The following FMR1 variants were observed in gnomAD, a reference collection of about 807,000 sequenced individuals.
FMR1 encodes the protein fragile X messenger ribonucleoprotein 1.
In FMR1, 13 loss-of-function variants were observed where a neutral mutation model predicts 50.6. That is an observed-to-expected ratio of 0.26 (90% CI 0.17 to 0.41). FMR1 has a LOEUF of 0.41. Ranked by LOEUF, FMR1 falls within the 10% of genes least tolerant of loss-of-function variation. FMR1 has a pLI of 1.00. For missense variants in FMR1, 316 were observed against 491.3 expected (o/e 0.64, Z 3.37); for synonymous variants, 138 against 164.1 (o/e 0.84, Z 1.22).
At chrX:147,948,625 C>G (rs1557182595) in intron 16 of FMR1, 58 bp from the exon 17 acceptor site, 2 of 1,206,435 alleles carry the variant, frequency 1.7e-6, no homozygotes, top group African/African-American at 3.5e-5. Flanking sequence ...CTTGTCAGGC[C>G]AATTACAGAT....
chrX:147,928,890 T>C, intron 5 of FMR1, 83 bp downstream of exon 5: 1 of 1,003,089 alleles, frequency 1.0e-6, no homozygotes, highest in South Asian at 2.0e-5. Flanking sequence ...TTAAAATTTT[T>C]TAAACTACTA....
At chrX:147,943,523 G>A (rs2044075805) in intron 14 of FMR1, 197 bp downstream of exon 14, 2 of 440,755 alleles carry the variant, frequency 4.5e-6, no homozygotes, top group Non-Finnish European at 7.9e-6. Context: ...GCCGGTGCAA[G>A]TTCTGTTCAT....
At chrX:147,935,582 A>T (rs2043763030) in intron 9 of FMR1, among the ~76,000 whole-genome samples, 1 of 112,292 alleles carries the variant, frequency 8.9e-6, no homozygotes, top group Admixed American at 9.4e-5. Context: ...GTTCACATGT[A>T]CATTTCCAGA....
At chrX:147,917,415 G>A (rs1055537941) in intron 1 of FMR1, among the ~76,000 whole-genome samples, 1 of 111,536 alleles carries the variant, frequency 9.0e-6, no homozygotes, top group African/African-American at 3.3e-5. Flanking sequence ...GTAAATTAGG[G>A]ACCCCTTAAT....
rs1365935816 is a variant in FMR1 at position 147,912,066 on chromosome X, C to CGGCGGCGGCGGA, written c.-103_-102insAGGCGGCGGCGG. ...TGCGGCAGCGCGGCGGCGGCGGCGG[C>CGGCGGCGGCGGA]GGCGGCGGCGGCGGAGGCGGCGGCG... On this transcript the variant is annotated 5_prime_UTR_variant, in exon 1 of 17. Transcript: ENST00000370475. The CGGCGGCGGCGGA allele has an allele frequency of 3.0e-4, 69 of 229,237 alleles. No homozygotes were observed. Among genetic ancestry groups the CGGCGGCGGCGGA allele is most frequent in the East Asian group, 1.3e-3 (5 of 3,863 alleles). The allele number at this position is 229,237 out of a possible 1,213,427, so 18.9% of individuals were successfully genotyped here.
chrX:147,926,967 A>G (rs1252315762), intron 3 of FMR1, among the ~76,000 whole-genome samples: 2 of 112,175 alleles, frequency 1.8e-5, no homozygotes, highest in Admixed American at 1.9e-4. Flanking sequence ...GCTGTTTCAG[A>G]GAGTAGTCAG....
In FMR1 at chrX:147,949,528, A is replaced by C; in HGVS notation, c.*684A>C. The C allele has an allele frequency of 3.0e-6, 1 of 329,733 alleles. No individual in the cohort carries two copies. Among genetic ancestry groups the C allele is most frequent in the South Asian group, 2.6e-5 (1 of 38,493 alleles). 27.2% of individuals were successfully genotyped at this position (329,733 alleles called of 1,213,427 possible). A position where few individuals can be genotyped will look rare whatever the true frequency, so the allele number is the denominator to read the frequency against. On this transcript the variant is annotated 3_prime_UTR_variant, in exon 17 of 17. Coordinates refer to ENST00000370475, the MANE Select transcript of FMR1 (RefSeq NM_002024.6). ...CTTTATAGAAGAATGCATGCTTTCC[A>C]TATTTTTTTCCTTACATAAACATCA...
chrX:147,921,066 A>C (rs903581576), intron 1 of FMR1, among the ~76,000 whole-genome samples: 1 of 112,001 alleles, frequency 8.9e-6, no homozygotes, highest in Non-Finnish European at 1.9e-5. Flanking sequence ...AAACATACAG[A>C]ATAAATTTGA....
At chrX:147,926,393 G>A (rs974725821) in intron 3 of FMR1, among the ~76,000 whole-genome samples, 14 of 111,614 alleles carry the variant, frequency 1.3e-4, no homozygotes, top group Non-Finnish European at 2.6e-4. Flanking sequence ...AATAGTTGCC[G>A]TTCCATGAAT....
chrX:147,944,459 G>A, intron 14 of FMR1: 3 of 753,395 alleles, frequency 4.0e-6, no homozygotes, highest in Non-Finnish European at 4.7e-6. Flanking sequence ...CCTCTGTCCT[G>A]GGCCAAATCT....
intron 4 of FMR1, 54 bp downstream of exon 4, chrX:147,928,447 C>T: frequency 1.1e-6 from 1 of 950,231 alleles, no homozygotes; most frequent in South Asian, 2.0e-5. Flanking sequence ...TTTTTTAAAC[C>T]CAGGTTGTAC....
chrX:147,932,668 G>A lies in FMR1; in HGVS notation c.802-17G>A. On this transcript the variant is annotated splice_polypyrimidine_tract_variant and intron_variant, in intron 8 of 16. Transcript: ENST00000370475. Reference sequence around the variant, plus strand: ...GCTGGCTAATCTTTTGTCTTAAAATGTTTCCCCTTTTATTAGGATCAGGAT... The same window carrying A: ...GCTGGCTAATCTTTTGTCTTAAAATATTTCCCCTTTTATTAGGATCAGGAT... 1 of 1,203,274 alleles carries A rather than the reference G, an allele frequency of 8.3e-7. No homozygotes were observed. The highest frequency in any genetic ancestry group is 1.8e-5 in the South Asian group (1 of 56,759).
chrX:147,915,342 A>C (rs888313544), intron 1 of FMR1, among the ~76,000 whole-genome samples: 2 of 112,053 alleles, frequency 1.8e-5, no homozygotes, highest in African/African-American at 6.5e-5. Context: ...AAGGTTTATA[A>C]ATTTATAAGT....
chrX:147,932,720 C>T lies in FMR1; in HGVS notation c.837C>T (p.Leu279=), dbSNP rs782338857. The T allele has an allele frequency of 1.1e-5, 13 of 1,205,839 alleles. No individual in the cohort carries two copies. The highest frequency in any genetic ancestry group is 5.3e-5 in the African/African-American group (3 of 56,974). ...CAGTGAAAAAAGCTAGAAGCTTTCT[C>T]GAATTTGCTGAAGATGTAATACAAG... is the stretch of plus-strand genomic sequence containing the variant. ...QDAVKKARSF[L]EFAEDVIQVP... is the part of the protein sequence containing the mutation. The change falls in exon 9 of 17, where the codon CTC becomes CTT. Residue 279 remains leucine, a synonymous_variant. Coordinates refer to ENST00000370475, the MANE Select transcript of FMR1 (RefSeq NM_002024.6).
chrX:147,932,345 G>C, intron 7 of FMR1, 80 bp from the exon 8 acceptor site: 1 of 947,542 alleles, frequency 1.1e-6, no homozygotes, highest in Non-Finnish European at 1.5e-6. Flanking sequence ...ACAGGGTCAA[G>C]ATAATTTACA....
At chrX:147,943,412 T>C in intron 14 of FMR1, 86 bp downstream of exon 14, 1 of 877,185 alleles carries the variant, frequency 1.1e-6, no homozygotes, top group East Asian at 3.1e-5. Flanking sequence ...AACCCCATTA[T>C]AACAATTTGC....
intron 2 of FMR1, among the ~76,000 whole-genome samples, chrX:147,924,204 G>A (rs1393443788): frequency 1.8e-5 from 2 of 110,644 alleles, no homozygotes; most frequent in Non-Finnish European, 3.8e-5. Flanking sequence ...CTCAGAGGAG[G>A]GTTCAGTTAA....
At chrX:147,944,033 A>G (rs1274039207) in intron 14 of FMR1, 3 of 283,133 alleles carry the variant, frequency 1.1e-5, no homozygotes, top group African/African-American at 8.8e-5. Context: ...TGGTGAAGCT[A>G]TAATTGGTCA....
chrX:147,927,830 C>A (rs1557177817), intron 3 of FMR1: 4 of 113,478 alleles, frequency 3.5e-5, no homozygotes, highest in African/African-American at 1.3e-4. Flanking sequence ...CCATTTAGTT[C>A]CAGGAGATAT....
Sources: allele counts gnomAD v4.1 joint callset (sites outside exome capture counted in the v4.1 genomes callset), GRCh38; gene constraint gnomAD v4.1.1; transcripts MANE v1.5; gene names NCBI Gene and HGNC (gene_info 2026-07-23, HGNC 2026-07-21).